Variants in RBMS3 observed in about 807,000 individuals in gnomAD.
RBMS3 encodes the protein RNA binding motif single stranded interacting protein 3, also known as RNA-binding motif, single-stranded-interacting protein 3.
RBMS3 carries 27 observed loss-of-function variants against 66.8 expected under a neutral mutation model. The ratio of observed to expected loss-of-function variants is 0.40; its 90% CI spans 0.30 to 0.56. The LOEUF (loss-of-function observed/expected upper bound fraction) is 0.56. Among genes scored for constraint, RBMS3 ranks in the 20% least tolerant of loss-of-function variants. RBMS3 has a pLI of 0.40. For missense variants in RBMS3, 513 were observed against 549.5 expected (o/e 0.93, Z 0.66); for synonymous variants, 188 against 183.0 (o/e 1.03, Z -0.22).
intron 1 of RBMS3, among the ~76,000 whole-genome samples, chr3:29,334,423 T>C (rs917462431): frequency 1.3e-5 from 2 of 152,172 alleles, no homozygotes; most frequent in African/African-American, 4.8e-5. Context: ...ATTTTTCCCA[T>C]CCTAAAAGTA....
chr3:29,990,989 T>G (rs1698826593), intron 13 of RBMS3, 93 bp from the exon 14 acceptor site: 1 of 1,278,074 alleles, frequency 7.8e-7, no homozygotes, highest in Non-Finnish European at 1.1e-6. Context: ...TATCTCTACT[T>G]AAGCCAAATA....
At chr3:29,432,394 A>ACATT (rs1355007399) in intron 1 of RBMS3, among the ~76,000 whole-genome samples, 7 of 152,304 alleles carry the variant, frequency 4.6e-5, no homozygotes, top group Admixed American at 1.3e-4. Context: ...AATCTAAAGC[A>ACATT]CATTGTCTTA....
At chr3:29,678,018 A>G (rs2051326440) in intron 4 of RBMS3, among the ~76,000 whole-genome samples, 1 of 152,180 alleles carries the variant, frequency 6.6e-6, no homozygotes, top group African/African-American at 2.4e-5. Context: ...TGAGAAGTAT[A>G]AATCAGAATG....
chr3:29,853,985 C>T (rs1006252005), intron 6 of RBMS3, among the ~76,000 whole-genome samples: 3 of 152,168 alleles, frequency 2.0e-5, no homozygotes, highest in African/African-American at 7.2e-5. Context: ...TTATGAGTCA[C>T]TCCTCCACTT....
intron 6 of RBMS3, among the ~76,000 whole-genome samples, chr3:29,788,112 A>G (rs891576473): frequency 1.3e-5 from 2 of 149,966 alleles, no homozygotes; most frequent in Admixed American, 6.7e-5. Flanking sequence ...TCCCAAACGT[A>G]TGTTTATATT....
chr3:29,745,720 A>G (rs1473954628), intron 5 of RBMS3, among the ~76,000 whole-genome samples: 20 of 152,202 alleles, frequency 1.3e-4, no homozygotes, highest in Admixed American at 1.3e-3. Flanking sequence ...ACCACTGAAC[A>G]GAGAGACCTT....
At chr3:29,849,220 T>A (rs1016017814) in intron 6 of RBMS3, among the ~76,000 whole-genome samples, 6 of 146,774 alleles carry the variant, frequency 4.1e-5, no homozygotes, top group Admixed American at 6.8e-5. Context: ...ATTTCACATA[T>A]AAAAGCAGGC....
intron 1 of RBMS3, among the ~76,000 whole-genome samples, chr3:29,392,718 T>C (rs56006546): frequency 0.025 from 3,870 of 152,136 alleles, 69 homozygotes; most frequent in East Asian, 0.039. Flanking sequence ...CACACAGACA[T>C]ACACACAGAC....
At chr3:29,494,435 A>G (rs943619919) in intron 3 of RBMS3, among the ~76,000 whole-genome samples, 7 of 152,188 alleles carry the variant, frequency 4.6e-5, no homozygotes, top group African/African-American at 1.7e-4. Context: ...GTATAATATG[A>G]CAACATACAA....
At chr3:29,452,590 A>C (rs531541356) in intron 2 of RBMS3, among the ~76,000 whole-genome samples, 15 of 152,344 alleles carry the variant, frequency 9.8e-5, no homozygotes, top group African/African-American at 2.6e-4. Context: ...ATTTTGCGAA[A>C]AGAATTGAAA....
rs114585158 is a variant in RBMS3, at chr3:29,589,865, C to T, written c.399+2660C>T. Among the ~76,000 whole-genome samples the T allele has an allele frequency of 3.9e-3, 592 of 151,976 alleles. 8 individuals carry two copies. The highest frequency in any genetic ancestry group is 0.014 in the African/African-American group (571 of 41,492). On this transcript the variant is annotated intron_variant, in intron 4 of 14. Coordinates refer to ENST00000383767, the MANE Select transcript of RBMS3 (RefSeq NM_001003793.3). ...CAGCATTTTAAAATAAAAATATTAC[C>T]AACACTCTAGTTTCCCAATAGTAAC...
intron 12 of RBMS3, among the ~76,000 whole-genome samples, chr3:29,961,604 C>T (rs893278021): frequency 5.3e-5 from 8 of 151,944 alleles, no homozygotes; most frequent in Non-Finnish European, 7.4e-5. Flanking sequence ...GGGGAGGCCT[C>T]GGGAAACTTA....
intron 12 of RBMS3, among the ~76,000 whole-genome samples, chr3:29,966,987 C>T (rs920538138): frequency 2.6e-5 from 4 of 152,158 alleles, no homozygotes; most frequent in African/African-American, 9.7e-5. Flanking sequence ...TGTGGTGTAT[C>T]ACACTTATTG....
At chr3:29,776,474 C>A (rs770381397) in intron 6 of RBMS3, among the ~76,000 whole-genome samples, 1 of 151,856 alleles carries the variant, frequency 6.6e-6, no homozygotes, top group Non-Finnish European at 1.5e-5. Context: ...ATGTAACAAG[C>A]CTGCATGTTG....
chr3:29,547,797 T>C (rs948192724), intron 3 of RBMS3, among the ~76,000 whole-genome samples: 1 of 148,032 alleles, frequency 6.8e-6, no homozygotes, highest in Non-Finnish European at 1.5e-5. Context: ...ATAAGCTTGT[T>C]TGTGGATTGA....
intron 4 of RBMS3, among the ~76,000 whole-genome samples, chr3:29,670,278 G>A (rs2050939487): frequency 6.6e-6 from 1 of 152,132 alleles, no homozygotes; most frequent in African/African-American, 2.4e-5. Context: ...GAAACTAGTA[G>A]GCTTCCAGTT....
intron 1 of RBMS3, among the ~76,000 whole-genome samples, chr3:29,282,668 C>T (rs1190699191): frequency 6.6e-6 from 1 of 152,094 alleles, no homozygotes; most frequent in Non-Finnish European, 1.5e-5. Flanking sequence ...GGAGTGACCA[C>T]CTCGAGTGTA....
chr3:29,328,855 CA>C (rs1178581677), intron 1 of RBMS3, among the ~76,000 whole-genome samples: 1 of 152,130 alleles, frequency 6.6e-6, no homozygotes, highest in African/African-American at 2.4e-5. Flanking sequence ...GGGCAGTCTT[CA>C]ACTCCCTATT....
intron 4 of RBMS3, among the ~76,000 whole-genome samples, chr3:29,709,005 C>G (rs1055399056): frequency 1.3e-5 from 2 of 152,126 alleles, no homozygotes; most frequent in Non-Finnish European, 2.9e-5. Flanking sequence ...CGTCTCAGCC[C>G]AACTCAGTTC....
Sources: gnomAD v4.1 joint callset for allele counts (sites outside exome capture counted in the v4.1 genomes callset) on GRCh38, gnomAD v4.1.1 for gene constraint, MANE v1.5 for transcripts, NCBI Gene and HGNC (gene_info 2026-07-23, HGNC 2026-07-21) for gene names.